The following INO80 variants were observed in gnomAD, a reference collection of about 807,000 sequenced individuals.
INO80 encodes the protein chromatin-remodeling ATPase INO80.
Under a neutral mutation model 203.4 loss-of-function variants are expected in INO80, and 20 were observed. The observed-to-expected ratio is 0.10, with a 90% CI of 0.07 to 0.14. The LOEUF (loss-of-function observed/expected upper bound fraction) is 0.14, where lower values mean the gene tolerates loss of function less well. Among genes scored for constraint, INO80 ranks in the 10% least tolerant of loss-of-function variants. The probability of loss-of-function intolerance (pLI) is 1.00; values close to 1 mark genes in which losing one functional copy is unlikely to be tolerated. For synonymous variants in INO80, 726 were observed against 685.2 expected (o/e 1.06, Z -0.93); for missense variants, 1,419 against 1,914.4 (o/e 0.74, Z 4.83).
intron 23 of INO80, among the ~76,000 whole-genome samples, chr15:41,045,277 G>T (rs901608775): frequency 6.6e-6 from 1 of 151,884 alleles, no homozygotes; most frequent in Admixed American, 6.6e-5. Context: ...AAAATCCTCC[G>T]CAAAGCTCCT....
intron 31 of INO80, among the ~76,000 whole-genome samples, chr15:40,986,207 C>G (rs2043730436): frequency 6.6e-6 from 1 of 151,708 alleles, no homozygotes; most frequent in Non-Finnish European, 1.5e-5. Flanking sequence ...GGCAGAAGAG[C>G]AAATTCACTA....
rs1366865113 is a variant in INO80 at position 41,027,689 on chromosome 15, G to T, written c.2955C>A (p.Asp985Glu). 1 of 1,613,256 alleles carries T rather than the reference G, an allele frequency of 6.2e-7. No homozygotes were observed. Residue 985 changes from aspartate (D) to glutamate (E), a missense_variant, in exon 25 of 36, where the codon GAC becomes GAA. Physicochemically the swap from Asp to Glu is conservative, Grantham distance 45 (BLOSUM62 2). Coordinates refer to ENST00000648947, the MANE Select transcript of INO80 (RefSeq NM_017553.3). The stretch of plus-strand genomic sequence containing the variant: ...CTGATCTCCGCTGATGGACAACCTG[G>T]TCTGAGTAGCCACTCACTGCTTTAC... ...SHCKAVSGYS[D>E]QVVHQRRSAT...
chr15:41,043,560 T>C (rs1306391630), intron 24 of INO80, among the ~76,000 whole-genome samples: 2 of 152,208 alleles, frequency 1.3e-5, no homozygotes, highest in Non-Finnish European at 2.9e-5. Context: ...TCATGTGAGC[T>C]TTTCAGTGTA....
At chr15:41,070,140 C>T (rs989920901) in intron 13 of INO80, among the ~76,000 whole-genome samples, 1 of 152,104 alleles carries the variant, frequency 6.6e-6, no homozygotes, top group African/African-American at 2.4e-5. Flanking sequence ...GCTAAATTGC[C>T]CAAGTTTACA....
intron 5 of INO80, among the ~76,000 whole-genome samples, chr15:41,089,705 T>C (rs934163514): frequency 2.7e-5 from 4 of 150,624 alleles, no homozygotes; most frequent in African/African-American, 9.8e-5. Flanking sequence ...ATCACGCCAT[T>C]GCACTCGAGC....
At position 41,049,308 on chromosome 15, in the gene INO80, A is replaced by C. The variant is rs544721777; in HGVS notation, c.2555T>G (p.Val852Gly). Reference sequence around the variant, plus strand: ...CTACCTGTCTCGTGAATGATTGAAGACCCTGATCTGTCCATGACGGTAGAT... The same window carrying C: ...CTACCTGTCTCGTGAATGATTGAAGCCCCTGATCTGTCCATGACGGTAGAT... ...KFIYRHGQIRVFNHSRDRWLR... is the reference protein window; with the variant it reads ...KFIYRHGQIRGFNHSRDRWLR... Residue 852 changes from valine to glycine, a missense_variant, in exon 21 of 36, where the codon GTC (valine) becomes GGC (glycine). Around this residue, in one of 9 missense-constraint regions of INO80, gnomAD observed 302 missense variants for 345.4 expected, o/e 0.87. Coordinates refer to ENST00000648947, the MANE Select transcript of INO80 (RefSeq NM_017553.3). 6.2e-7 allele frequency: 1 copy of C among 1,613,610 alleles called. No individual in the cohort carries two copies. The highest frequency in any genetic ancestry group is 8.5e-7 in the Non-Finnish European group (1 of 1,179,646).
chr15:41,048,955 G>A (rs2044816099), intron 21 of INO80, among the ~76,000 whole-genome samples: 1 of 152,196 alleles, frequency 6.6e-6, no homozygotes, highest in Non-Finnish European at 1.5e-5. Context: ...TCACCCACAA[G>A]TGCAATTCCA....
chr15:41,113,644 G>C (rs1157702260), intron 1 of INO80, among the ~76,000 whole-genome samples: 2 of 151,998 alleles, frequency 1.3e-5, no homozygotes, highest in African/African-American at 2.4e-5. Context: ...ACAGGGTCTC[G>C]CTCTCCACCC....
At chr15:41,093,404 G>A (rs2176997) in intron 4 of INO80, among the ~76,000 whole-genome samples, 3 of 151,868 alleles carry the variant, frequency 2.0e-5, no homozygotes, top group Non-Finnish European at 4.4e-5. Context: ...CAGCCTGGGC[G>A]ACAGAGCAAG....
intron 1 of INO80, among the ~76,000 whole-genome samples, chr15:41,106,038 G>A (rs990464948): frequency 2.6e-5 from 4 of 152,054 alleles, no homozygotes; most frequent in Non-Finnish European, 5.9e-5. Context: ...CAGGAGGACT[G>A]CTTGAGCCCA....
chr15:40,994,768 T>C (rs2043859498), intron 29 of INO80, among the ~76,000 whole-genome samples: 1 of 152,226 alleles, frequency 6.6e-6, no homozygotes, highest in African/African-American at 2.4e-5. Context: ...AACTTTGTTT[T>C]GTTGCATGCT....
intron 28 of INO80, among the ~76,000 whole-genome samples, chr15:41,000,706 C>CAAAAAAAAAAAAAAAAAAAAAAAAA (rs58232890): frequency 1.8e-5 from 1 of 56,814 alleles, no homozygotes; most frequent in Non-Finnish European, 3.5e-5. Flanking sequence ...CACCCTGTCT[C>CAAAAAAAAAAAAAAAAAAAAAAAAA]AAAAAAAAAA....
At chr15:41,065,009 T>C (rs2045184388) in intron 14 of INO80, among the ~76,000 whole-genome samples, 3 of 150,336 alleles carry the variant, frequency 2.0e-5, no homozygotes, top group Non-Finnish European at 4.4e-5. Flanking sequence ...AAAAAAAAGG[T>C]AGAAAAAGAG....
intron 24 of INO80, among the ~76,000 whole-genome samples, chr15:41,031,529 GAGA>G: frequency 6.7e-5 from 1 of 15,002 alleles, no homozygotes; most frequent in Non-Finnish European, 1.7e-4. Flanking sequence ...AGGGAGGAAG[GAGA>G]AGGGAGGAAG....
intron 7 of INO80, 114 bp downstream of exon 7, chr15:41,085,255 A>C (rs759902093): frequency 6.2e-5 from 54 of 866,198 alleles, no homozygotes; most frequent in Non-Finnish European, 9.5e-5. Flanking sequence ...CCAACAGATT[A>C]GTTTCTTTGC....
intron 26 of INO80, among the ~76,000 whole-genome samples, chr15:41,019,250 A>G (rs1001751141): frequency 3.9e-5 from 6 of 152,132 alleles, no homozygotes; most frequent in African/African-American, 1.4e-4. Context: ...GGGAAAGAGA[A>G]AACGTAAAAG....
At chr15:41,073,578 CCT>C in intron 10 of INO80, 83 bp from the exon 11 acceptor site, 2 of 1,068,008 alleles carry the variant, frequency 1.9e-6, no homozygotes, top group East Asian at 4.7e-5. Context: ...TATGTGGATC[CCT>C]GATTCCCTCA....
chr15:41,047,137 T>C (rs918080097), intron 23 of INO80, among the ~76,000 whole-genome samples: 1 of 151,224 alleles, frequency 6.6e-6, no homozygotes, highest in East Asian at 2.0e-4. Flanking sequence ...CCGGCTACTT[T>C]TGTATTTTTT....
chr15:41,112,920 G>T (rs1170232986), intron 1 of INO80, among the ~76,000 whole-genome samples: 2 of 146,228 alleles, frequency 1.4e-5, no homozygotes, highest in Non-Finnish European at 3.0e-5. Context: ...TGTGTATTTT[G>T]TTGTTGTTGT....
Sources: gnomAD v4.1 joint callset for allele counts (sites outside exome capture counted in the v4.1 genomes callset) on GRCh38, gnomAD v4.1.1 for gene constraint, gnomAD v4.1.1 regional missense constraint, MANE v1.5 for transcripts, NCBI Gene and HGNC (gene_info 2026-07-23, HGNC 2026-07-21) for gene names.